The following STEAP2 variants were observed in gnomAD, a reference collection of about 807,000 sequenced individuals.
The protein encoded by STEAP2 is metalloreductase STEAP2.
A neutral mutation model predicts 46.4 loss-of-function variants in STEAP2; 30 were observed. The observed-to-expected ratio is 0.65, with a 90% CI of 0.48 to 0.88. The LOEUF (loss-of-function observed/expected upper bound fraction) is 0.88. Among genes scored for constraint, STEAP2 ranks in the 40% least tolerant of loss-of-function variants. The pLI is 0.00. For synonymous variants in STEAP2, 180 were observed against 200.5 expected (o/e 0.90, Z 0.86); for missense variants, 513 against 579.3 (o/e 0.89, Z 1.18).
rs757881604 is a variant in STEAP2 at position 90,225,527 on chromosome 7, G to A, written c.445G>A (p.Val149Ile). The A allele has an allele frequency of 6.2e-7, 1 of 1,612,790 alleles. No individual in the cohort carries two copies. Among genetic ancestry groups the A allele is most frequent in the Non-Finnish European group, 8.5e-7 (1 of 1,179,460 alleles). ...DSLIVKGFNV[V>I]SAWALQLGPK... ...TTTGATTGTCAAAGGATTTAATGTT[G>A]TCTCAGCTTGGGCACTTCAGTTAGG... Residue 149 changes from valine (V) to isoleucine (I), a missense_variant, in exon 3 of 6, where the codon GTC (valine) becomes ATC (isoleucine). Coordinates refer to ENST00000394621, the MANE Select transcript of STEAP2 (RefSeq NM_001244944.2).
Position 90,235,790 on chromosome 7 carries a change from T to C in STEAP2, c.*3166T>C. On this transcript the variant is annotated 3_prime_UTR_variant, in exon 6 of 6. Coordinates refer to ENST00000394621, the MANE Select transcript of STEAP2 (RefSeq NM_001244944.2). ...TTATTTTTCAAAACATACATGGAAATTTAGCCCAGATTGTCTACATATAAG... is the reference window on the plus strand; with the variant it reads ...TTATTTTTCAAAACATACATGGAAACTTAGCCCAGATTGTCTACATATAAG... 1 of 782,906 alleles carries C rather than the reference T, an allele frequency of 1.3e-6. No individual in the cohort carries two copies. Among genetic ancestry groups the C allele is most frequent in the South Asian group, 5.9e-5 (1 of 17,000 alleles). The allele number at this position is 782,906 out of a possible 1,614,324, so 48.5% of individuals were successfully genotyped here.
At position 90,236,131 on chromosome 7, in the gene STEAP2, T is replaced by G; in HGVS notation, c.*3507T>G. 1.5e-6 allele frequency: 1 copy of G among 671,840 alleles called. No homozygotes were observed. Among genetic ancestry groups the G allele is most frequent in the Non-Finnish European group, 1.8e-6 (1 of 544,966 alleles). The allele number at this position is 671,840 out of a possible 1,614,324, so 41.6% of individuals were successfully genotyped here. On this transcript the variant is annotated 3_prime_UTR_variant, in exon 6 of 6. Transcript: ENST00000394621. ...ATATATCTCCTATCTGATAACTTAA[T>G]TCTTCTAAATTACCACTTGCCATTA...
intron 1 of STEAP2, among the ~76,000 whole-genome samples, chr7:90,214,341 T>C (rs1794934392): frequency 6.6e-6 from 1 of 152,000 alleles, no homozygotes; most frequent in African/African-American, 2.4e-5. Flanking sequence ...TGGGACCAGC[T>C]CTGGGTGGAA....
At position 90,232,709 on chromosome 7, in the gene STEAP2, G is replaced by A. The variant is rs1274988004; in HGVS notation, c.*85G>A. 1.4e-6 allele frequency: 2 copies of A among 1,427,364 alleles called. No individual in the cohort carries two copies. Among genetic ancestry groups the A allele is most frequent in the African/African-American group, 1.4e-5 (1 of 70,874 alleles). The allele number at this position is 1,427,364 out of a possible 1,614,324, so 88.4% of individuals were successfully genotyped here. A position where few individuals can be genotyped will look rare whatever the true frequency, so the allele number is the denominator to read the frequency against. Reference sequence around the variant, plus strand: ...TTCTACGTTCAGTTACAAGTATGCTGTCAAATTATCGTGGGTTGAAACTTG... The same window carrying A: ...TTCTACGTTCAGTTACAAGTATGCTATCAAATTATCGTGGGTTGAAACTTG... On this transcript the variant is annotated 3_prime_UTR_variant, in exon 6 of 6. Transcript: ENST00000394621.
chr7:90,237,962 T>G (rs17863962), downstream of STEAP2: 110 of 660,950 alleles, frequency 1.7e-4, no homozygotes, highest in Non-Finnish European at 2.8e-4. Context: ...TATAATGTGA[T>G]CTATGATGGA....
chr7:90,226,805 G>T (rs1795505514), intron 3 of STEAP2, among the ~76,000 whole-genome samples, 166 bp from the exon 4 acceptor site: 1 of 152,050 alleles, frequency 6.6e-6, no homozygotes, highest in Non-Finnish European at 1.5e-5. Context: ...GTTGTTGTAG[G>T]CTTTCAAACT....
intron 1 of STEAP2, among the ~76,000 whole-genome samples, chr7:90,215,045 A>G (rs1213425832): frequency 6.6e-6 from 1 of 152,210 alleles, no homozygotes; most frequent in East Asian, 1.9e-4. Context: ...AAGTCAGTAG[A>G]GGACAGCAGT....
At chr7:90,241,590 A>G (rs993421924), downstream of STEAP2, among the ~76,000 whole-genome samples, 2 of 152,188 alleles carry the variant, frequency 1.3e-5, no homozygotes, top group Non-Finnish European at 2.9e-5. Flanking sequence ...CTTGGGCCTC[A>G]CCCAGACTTA....
chr7:90,227,015 T>G lies in STEAP2; in HGVS notation c.537T>G (p.Ile179Met). Residue 179 changes from isoleucine (I) to methionine (M), a missense_variant, in exon 4 of 6, where the codon ATT becomes ATG. Coordinates refer to ENST00000394621, the MANE Select transcript of STEAP2 (RefSeq NM_001244944.2). ...SNNIQARQQVIELARQLNFIP... is the reference protein window; with the variant it reads ...SNNIQARQQVMELARQLNFIP... ...ATATTCAAGCGCGACAACAGGTTAT[T>G]GAACTTGCCCGCCAGTTGAATTTCA... 6.2e-7 allele frequency: 1 copy of G among 1,610,322 alleles called. No homozygotes were observed. Among genetic ancestry groups the G allele is most frequent in the African/African-American group, 1.3e-5 (1 of 74,814 alleles).
rs772921972 is a variant in STEAP2 at position 90,227,054 on chromosome 7, G to A, written c.576G>A (p.Leu192=). Residue 192 remains leucine (L), a synonymous_variant, in exon 4 of 6, where the codon TTG becomes TTA. Coordinates refer to ENST00000394621, the MANE Select transcript of STEAP2 (RefSeq NM_001244944.2). ...AGTTGAATTTCATTCCCATTGACTT[G>A]GGATCCTTATCATCAGCCAGAGAGA... ...ARQLNFIPID[L]GSLSSAREIE... The A allele has an allele frequency of 6.2e-7, 1 of 1,613,568 alleles. No individual in the cohort carries two copies. The highest frequency in any genetic ancestry group is 8.5e-7 in the Non-Finnish European group (1 of 1,179,786).
chr7:90,225,141 A>T lies in STEAP2; in HGVS notation c.59A>T (p.Asn20Ile). The T allele has an allele frequency of 2.5e-6, 4 of 1,613,902 alleles. No homozygotes were observed. Among genetic ancestry groups the T allele is most frequent in the Non-Finnish European group, 3.4e-6 (4 of 1,179,884 alleles). ...AGCCTTAGTGAAACTTTTTTACCTAATGGCATAAATGGTATCAAAGATGCA... is the reference window on the plus strand; with the variant it reads ...AGCCTTAGTGAAACTTTTTTACCTATTGGCATAAATGGTATCAAAGATGCA... ...PKSLSETFLP[N>I]GINGIKDARK... The change falls in exon 3 of 6, where the codon AAT becomes ATT. Residue 20 changes from asparagine to isoleucine, a missense_variant. Physicochemically the swap from Asn to Ile is moderately radical, Grantham distance 149. Coordinates refer to ENST00000394621, the MANE Select transcript of STEAP2 (RefSeq NM_001244944.2).
At chr7:90,223,796 T>A (rs1012933990) in intron 2 of STEAP2, among the ~76,000 whole-genome samples, 2 of 152,186 alleles carry the variant, frequency 1.3e-5, no homozygotes, top group African/African-American at 4.8e-5. Flanking sequence ...GTCCATGGTA[T>A]TTACTCTTTT....
At chr7:90,226,883 C>T (rs1252394378) in intron 3 of STEAP2, 88 bp from the exon 4 acceptor site, 1 of 1,300,128 alleles carries the variant, frequency 7.7e-7, no homozygotes, top group African/African-American at 1.5e-5. Flanking sequence ...AAGGTCATCA[C>T]AGGTGATGGT....
intron 4 of STEAP2, among the ~76,000 whole-genome samples, chr7:90,228,951 A>G (rs556126353): frequency 6.6e-6 from 1 of 152,348 alleles, no homozygotes; most frequent in South Asian, 2.1e-4. Flanking sequence ...ACTAATAGCT[A>G]AGAAGCAGCT....
downstream of STEAP2, among the ~76,000 whole-genome samples, chr7:90,240,805 G>A (rs1796051096): frequency 6.6e-6 from 1 of 152,168 alleles, no homozygotes; most frequent in Non-Finnish European, 1.5e-5. This position sits in a 1 kb window ranked among gnomAD's most constrained non-coding sequence, Gnocchi z 4.1. Flanking sequence ...CTGTAGAATT[G>A]TTACCACATT....
At chr7:90,224,906 G>A (rs2116273136) in intron 2 of STEAP2, 144 bp from the exon 3 acceptor site, 1 of 633,274 alleles carries the variant, frequency 1.6e-6, no homozygotes, top group East Asian at 2.9e-5. Flanking sequence ...TCCTTTTTTA[G>A]CTTACAAATT....
At position 90,232,553 on chromosome 7, in the gene STEAP2, A is replaced by G. The variant is rs749364965; in HGVS notation, c.1402A>G (p.Ser468Gly). The change falls in exon 6 of 6, where the codon AGC (serine) becomes GGC (glycine). Residue 468 changes from serine to glycine, a missense_variant. Ser to Gly is a moderately conservative substitution (Grantham distance 56, BLOSUM62 0). Coordinates refer to ENST00000394621, the MANE Select transcript of STEAP2 (RefSeq NM_001244944.2). ...LKRIKKGWEK[S>G]QFLEEGMGGT... ...ACGAATTAAAAAAGGCTGGGAAAAGAGCCAATTTCTGGAAGAAGGTATGGG... is the reference window on the plus strand; with the variant it reads ...ACGAATTAAAAAAGGCTGGGAAAAGGGCCAATTTCTGGAAGAAGGTATGGG... The G allele has an allele frequency of 6.2e-7, 1 of 1,613,756 alleles. No individual in the cohort carries two copies. Among genetic ancestry groups the G allele is most frequent in the Admixed American group, 1.7e-5 (1 of 60,006 alleles).
At chr7:90,242,486 C>T (rs1796076081), downstream of STEAP2, among the ~76,000 whole-genome samples, 1 of 152,180 alleles carries the variant, frequency 6.6e-6, no homozygotes. Context: ...CCTCCCTCCT[C>T]TTCATCTTTC....
rs1020487887 is a variant in STEAP2, at chr7:90,237,169, A to C, written c.*4545A>C. On this transcript the variant is annotated 3_prime_UTR_variant, in exon 6 of 6. Transcript: ENST00000394621. ...CAAAGCCACACCCAAAGAGTAAGGC[A>C]GATTAGAGACCAGAAAGACCTTGAC... 1.2e-4 allele frequency: 55 copies of C among 477,306 alleles called. No individual in the cohort carries two copies. The highest frequency in any genetic ancestry group is 6.6e-5 in the Non-Finnish European group (18 of 273,600). 29.6% of individuals were successfully genotyped at this position (477,306 alleles called of 1,614,324 possible). A position where few individuals can be genotyped will look rare whatever the true frequency, so the allele number is the denominator to read the frequency against.
Sources: gnomAD v4.1 joint callset for allele counts (sites outside exome capture counted in the v4.1 genomes callset) on GRCh38, gnomAD v4.1.1 for gene constraint, Gnocchi (gnomAD v3.1) non-coding constraint, MANE v1.5 for transcripts, NCBI Gene and HGNC (gene_info 2026-07-23, HGNC 2026-07-21) for gene names.